TRMT11: variants seen among roughly 807,000 people sequenced by gnomAD.
TRMT11 encodes tRNA methyltransferase 11.
TRMT11 carries 53 observed loss-of-function variants against 62.8 expected under a neutral mutation model. The ratio of observed to expected loss-of-function variants is 0.84; its 90% CI spans 0.68 to 1.06. The LOEUF (loss-of-function observed/expected upper bound fraction) is 1.06. Ranked by LOEUF, TRMT11 falls within the 50% of genes least tolerant of loss-of-function variation. The pLI is 0.00. For synonymous variants in TRMT11, 188 were observed against 190.3 expected (o/e 0.99, Z 0.10); for missense variants, 556 against 553.4 (o/e 1.00, Z -0.05).
intron 21 of TRMT11, among the ~76,000 whole-genome samples, chr6:126,151,577 G>C (rs559185373): frequency 7.9e-5 from 12 of 152,288 alleles, no homozygotes; most frequent in Admixed American, 1.3e-4. Context: ...GGTCAGACCT[G>C]AGCACCGTGG....
chr6:126,046,069 C>T (rs575357569), intron 16 of TRMT11, among the ~76,000 whole-genome samples: 2 of 152,198 alleles, frequency 1.3e-5, no homozygotes, highest in South Asian at 4.1e-4. Flanking sequence ...AGGCGACCTA[C>T]TGAAGAATGA....
chr6:126,239,854 G>A, the TRMT11 span, among the ~76,000 whole-genome samples: 9 of 152,302 alleles, frequency 5.9e-5, no homozygotes, highest in South Asian at 4.1e-4. Flanking sequence ...CCAATGAGAC[G>A]TAGATTTGGT....
At chr6:126,268,974 T>C in the TRMT11 span, among the ~76,000 whole-genome samples, 1 of 152,012 alleles carries the variant, frequency 6.6e-6, no homozygotes, top group Non-Finnish European at 1.5e-5. Context: ...AAAATATGAC[T>C]GGGTTGGCCG....
downstream of TRMT11, among the ~76,000 whole-genome samples, chr6:126,040,981 C>G (rs1332611902): frequency 1.3e-5 from 2 of 152,094 alleles, no homozygotes; most frequent in Non-Finnish European, 2.9e-5. Flanking sequence ...CCCAGGGTGA[C>G]CCAGCTTTGG....
intron 21 of TRMT11, among the ~76,000 whole-genome samples, chr6:126,171,691 C>T (rs1055292588): frequency 6.6e-6 from 1 of 151,868 alleles, no homozygotes; most frequent in Non-Finnish European, 1.5e-5. Context: ...GTTTTAAAAT[C>T]GGATCTTGAG....
At chr6:126,247,409 A>C in the TRMT11 span, among the ~76,000 whole-genome samples, 1 of 151,658 alleles carries the variant, frequency 6.6e-6, no homozygotes, top group African/African-American at 2.4e-5. Context: ...CACCGCACCC[A>C]GCCAATAAAC....
At chr6:126,105,338 T>C (rs963843506) in intron 17 of TRMT11, among the ~76,000 whole-genome samples, 1 of 152,218 alleles carries the variant, frequency 6.6e-6, no homozygotes, top group African/African-American at 2.4e-5. Context: ...CTGGGGTTTA[T>C]TGAGTGTAAT....
chr6:126,145,406 G>A (rs1335841840), intron 21 of TRMT11, among the ~76,000 whole-genome samples: 2 of 152,146 alleles, frequency 1.3e-5, no homozygotes, highest in Middle Eastern at 3.2e-3. Context: ...GACAGAGAAC[G>A]CTGGACTAGC....
At chr6:126,263,840 A>G in the TRMT11 span, among the ~76,000 whole-genome samples, 1 of 152,198 alleles carries the variant, frequency 6.6e-6, no homozygotes, top group South Asian at 2.1e-4. Flanking sequence ...ACTTTGATTA[A>G]ATTTGGAGGA....
At chr6:126,271,668 A>G in the TRMT11 span, among the ~76,000 whole-genome samples, 1 of 152,324 alleles carries the variant, frequency 6.6e-6, no homozygotes, top group Non-Finnish European at 1.5e-5. Context: ...AACATCTTAC[A>G]TAAAACATTG....
At chr6:126,249,732 AT>A in the TRMT11 span, among the ~76,000 whole-genome samples, 1 of 152,178 alleles carries the variant, frequency 6.6e-6, no homozygotes, top group Admixed American at 6.5e-5. Flanking sequence ...AGTCAGCAAA[AT>A]TCTTCACTCT....
chr6:126,176,083 C>T (rs1778381802), upstream of TRMT11, among the ~76,000 whole-genome samples: 1 of 152,090 alleles, frequency 6.6e-6, no homozygotes, highest in Non-Finnish European at 1.5e-5. Context: ...CACTGAAACG[C>T]CAATTTGTTC....
the TRMT11 span, among the ~76,000 whole-genome samples, chr6:126,216,858 T>C: frequency 6.6e-6 from 1 of 152,036 alleles, no homozygotes; most frequent in Non-Finnish European, 1.5e-5. Flanking sequence ...CTTCCCCTTT[T>C]CATAGTCAAT....
At chr6:126,112,919 C>G (rs1047541649) in exon 18 of TRMT11, among the ~76,000 whole-genome samples, 4 of 151,866 alleles carry the variant, frequency 2.6e-5, no homozygotes, top group Admixed American at 6.6e-5. Flanking sequence ...TTCTGGTTTT[C>G]TATGTTGGCT....
intron 12 of TRMT11, among the ~76,000 whole-genome samples, chr6:126,028,903 C>T (rs1773673123): frequency 6.6e-6 from 1 of 152,090 alleles, no homozygotes; most frequent in Non-Finnish European, 1.5e-5. Context: ...ATGGTTCCAG[C>T]ATGTTTTTAA....
At chr6:126,096,794 G>A (rs1012269269) in intron 17 of TRMT11, among the ~76,000 whole-genome samples, 1 of 152,100 alleles carries the variant, frequency 6.6e-6, no homozygotes, top group African/African-American at 2.4e-5. Context: ...GCTTGTACCA[G>A]GAATCTGTCT....
chr6:126,231,854 A>G, the TRMT11 span, among the ~76,000 whole-genome samples: 4 of 152,202 alleles, frequency 2.6e-5, no homozygotes, highest in African/African-American at 9.6e-5. Flanking sequence ...ATTGTCTTTC[A>G]TTAATGCCCT....
intron 16 of TRMT11, among the ~76,000 whole-genome samples, chr6:126,045,288 A>G (rs1394045572): frequency 6.6e-6 from 1 of 152,130 alleles, no homozygotes; most frequent in Non-Finnish European, 1.5e-5. Context: ...TACCAGTTTC[A>G]ATGAATATGT....
At position 126,194,475 on chromosome 6, in the gene TRMT11, G is replaced by A. The variant is rs185603042; in HGVS notation, n.144-4324G>A. Among the ~76,000 whole-genome samples, 229 of 151,904 alleles carry A rather than the reference G, an allele frequency of 1.5e-3. 1 individual carries two copies. Among genetic ancestry groups the A allele is most frequent in the African/African-American group, 4.0e-3 (165 of 41,402 alleles). On this transcript the variant is annotated intron_variant and non_coding_transcript_variant, in intron 1 of 3. Transcript: ENST00000444229. ...CACTCAACAAGACCTTATTAATTTC[G>A]CGCCCTAATGTTCACTGATTCACAG...
Sources: gnomAD v4.1 joint callset for allele counts (sites outside exome capture counted in the v4.1 genomes callset) on GRCh38, gnomAD v4.1.1 for gene constraint, MANE v1.5 for transcripts, NCBI Gene and HGNC (gene_info 2026-07-23, HGNC 2026-07-21) for gene names.